Variants in NMBR observed in about 807,000 individuals in gnomAD.
NMBR encodes the protein neuromedin B receptor, also known as neuromedin-B receptor.
NMBR carries 16 observed loss-of-function variants against 20.5 expected under a neutral mutation model. The observed-to-expected ratio is 0.78, with a 90% CI of 0.53 to 1.19. The LOEUF (loss-of-function observed/expected upper bound fraction) is 1.19. Ranked by LOEUF, NMBR falls within the 50% of genes most tolerant of loss-of-function variation. The pLI is 0.00. For synonymous variants in NMBR, 212 were observed against 196.6 expected (o/e 1.08, Z -0.65); for missense variants, 582 against 499.1 (o/e 1.17, Z -1.58).
chr6:142,136,356 T>C (rs1778253567), intron 1 of NMBR, among the ~76,000 whole-genome samples: 2 of 152,230 alleles, frequency 1.3e-5, no homozygotes, highest in Non-Finnish European at 1.5e-5. Context: ...TGTTTTTTTC[T>C]TGTAAATTTG....
At chr6:142,078,085 C>G (rs1024406890) in intron 3 of NMBR, among the ~76,000 whole-genome samples, 2 of 152,194 alleles carry the variant, frequency 1.3e-5, no homozygotes, top group African/African-American at 4.8e-5. Context: ...CCCCTCATCT[C>G]TCATTCTGAC....
chr6:142,105,120 C>A (rs1017693575), intron 1 of NMBR, among the ~76,000 whole-genome samples: 2 of 135,182 alleles, frequency 1.5e-5, no homozygotes, highest in Non-Finnish European at 3.1e-5. Flanking sequence ...GGGAATATCA[C>A]AAAGTACATT....
chr6:142,103,672 A>G (rs542256473), intron 1 of NMBR, among the ~76,000 whole-genome samples: 50 of 152,292 alleles, frequency 3.3e-4, no homozygotes, highest in African/African-American at 1.2e-3. Context: ...ATTTATATGC[A>G]TAGCACTGAT....
chr6:142,077,781 C>T (rs1284497781), intron 3 of NMBR, among the ~76,000 whole-genome samples: 1 of 152,156 alleles, frequency 6.6e-6, no homozygotes, highest in East Asian at 1.9e-4. Flanking sequence ...CTACTCTGTA[C>T]CTGCAAAACC....
chr6:142,106,784 C>G (rs991174123), intron 1 of NMBR, among the ~76,000 whole-genome samples: 1 of 152,140 alleles, frequency 6.6e-6, no homozygotes, highest in African/African-American at 2.4e-5. Flanking sequence ...GCCATTTGCT[C>G]AAACTAAGGG....
At chr6:142,108,827 T>C (rs561064193) in intron 1 of NMBR, among the ~76,000 whole-genome samples, 33 of 152,318 alleles carry the variant, frequency 2.2e-4, no homozygotes, top group Non-Finnish European at 4.3e-4. Flanking sequence ...TAGCTCATTC[T>C]AGCATTAACC....
chr6:142,114,707 A>G (rs1777821350), intron 1 of NMBR, among the ~76,000 whole-genome samples: 1 of 152,150 alleles, frequency 6.6e-6, no homozygotes, highest in Non-Finnish European at 1.5e-5. Context: ...AGAAACTTTA[A>G]GGAGAAAAAC....
intron 1 of NMBR, chr6:142,133,786 T>C (rs898783907): frequency 7.3e-6 from 4 of 548,588 alleles, no homozygotes; most frequent in Non-Finnish European, 1.3e-5. Context: ...TATAAGGATT[T>C]TTTTAAATGT....
intron 2 of NMBR, among the ~76,000 whole-genome samples, chr6:142,079,579 C>T (rs1777051108): frequency 6.6e-6 from 1 of 151,986 alleles, no homozygotes; most frequent in Non-Finnish European, 1.5e-5. Context: ...GATACTTTTC[C>T]ATAGCTTCTG....
chr6:142,135,801 C>T (rs1157201638), intron 1 of NMBR, among the ~76,000 whole-genome samples: 1 of 151,914 alleles, frequency 6.6e-6, no homozygotes, highest in Non-Finnish European at 1.5e-5. Context: ...CAATTTCATC[C>T]ATGTCCCTAC....
intron 1 of NMBR, among the ~76,000 whole-genome samples, chr6:142,100,795 T>C (rs893119663): frequency 6.6e-6 from 1 of 152,206 alleles, no homozygotes; most frequent in Non-Finnish European, 1.5e-5. Flanking sequence ...GTACGTGTGT[T>C]GGTAGAGGGT....
chr6:142,134,005 C>A, intron 1 of NMBR: 1 of 702,262 alleles, frequency 1.4e-6, no homozygotes. Context: ...TCTTCTGTTA[C>A]AATCAGTTCA....
At chr6:142,094,547 A>G (rs1190982367) in intron 1 of NMBR, among the ~76,000 whole-genome samples, 2 of 152,148 alleles carry the variant, frequency 1.3e-5, no homozygotes, top group African/African-American at 2.4e-5. Context: ...TGTTTTGGCT[A>G]CTGTAGCCTT....
Position 142,075,708 on chromosome 6 carries a change from G to T in NMBR, c.1113C>A (p.Asn371Lys). ...TTAGTAAAACAGAATTGGTCACCAT[G>T]TTCTTAGCATTGCTTTTCAGAGATG... The part of the protein sequence containing the change: ...RMTSLKSNAK[N>K]MVTNSVLLNG... Residue 371 changes from asparagine (N) to lysine (K), a missense_variant, in exon 4 of 4, where the codon AAC becomes AAA. Asn to Lys is a moderately conservative substitution (Grantham distance 94, BLOSUM62 0). Transcript: ENST00000258042. 1 of 1,613,854 alleles carries T rather than the reference G, an allele frequency of 6.2e-7. No homozygotes were observed.
intron 1 of NMBR, among the ~76,000 whole-genome samples, chr6:142,146,610 GAA>G (rs755877141): frequency 6.9e-6 from 1 of 145,484 alleles, no homozygotes; most frequent in Non-Finnish European, 1.5e-5. Context: ...TCACTCTCCA[GAA>G]AAAAAAAAGG....
intron 1 of NMBR, among the ~76,000 whole-genome samples, chr6:142,135,742 G>A (rs1319893048): frequency 2.6e-5 from 4 of 151,226 alleles, no homozygotes; most frequent in South Asian, 2.1e-4. Context: ...GAGAACATGC[G>A]GTGTTTGGTT....
intron 1 of NMBR, among the ~76,000 whole-genome samples, chr6:142,089,873 A>C (rs529311160): frequency 2.0e-5 from 3 of 152,224 alleles, no homozygotes; most frequent in Non-Finnish European, 4.4e-5. Flanking sequence ...GCACATTTGA[A>C]TAAATCCCAG....
At chr6:142,082,851 C>T (rs549064503) in intron 2 of NMBR, among the ~76,000 whole-genome samples, 163 of 152,308 alleles carry the variant, frequency 1.1e-3, no homozygotes, top group African/African-American at 3.9e-3. Context: ...CACCTTATGG[C>T]CATGAGTTTT....
intron 1 of NMBR, among the ~76,000 whole-genome samples, chr6:142,107,441 A>C (rs1467624519): frequency 6.6e-6 from 1 of 152,192 alleles, no homozygotes; most frequent in Non-Finnish European, 1.5e-5. Context: ...ATTAAATCAG[A>C]GAAAGAAAGA....
Sources: allele counts gnomAD v4.1 joint callset (sites outside exome capture counted in the v4.1 genomes callset), GRCh38; gene constraint gnomAD v4.1.1; transcripts MANE v1.5; gene names NCBI Gene and HGNC (gene_info 2026-07-23, HGNC 2026-07-21).